DMAC2: variants seen among roughly 807,000 people sequenced by gnomAD.
The protein encoded by DMAC2 is distal membrane-arm assembly complex protein 2.
DMAC2 carries 32 observed loss-of-function variants against 29.6 expected under a neutral mutation model. The ratio of observed to expected loss-of-function variants is 1.08; its 90% CI spans 0.81 to 1.45. DMAC2 has a LOEUF of 1.45. Ranked by LOEUF, DMAC2 falls within the 40% of genes most tolerant of loss-of-function variation. DMAC2 has a pLI of 0.00. For synonymous variants in DMAC2, 133 were observed against 137.4 expected (o/e 0.97, Z 0.23); for missense variants, 319 against 340.0 (o/e 0.94, Z 0.49).
intron 5 of DMAC2, 53 bp from the exon 6 acceptor site, chr19:41,432,461 T>C: frequency 6.3e-7 from 1 of 1,575,608 alleles, no homozygotes; most frequent in Admixed American, 1.7e-5. Flanking sequence ...CATGTGTGTG[T>C]GTGTAGGGAG....
chr19:41,437,342 G>C (rs2039920693), intron 2 of DMAC2, among the ~76,000 whole-genome samples: 1 of 151,974 alleles, frequency 6.6e-6, no homozygotes, highest in African/African-American at 2.4e-5. Flanking sequence ...ATTGCAATGA[G>C]CCATGATCAC....
rs375627343 is a variant in DMAC2, at chr19:41,433,640, C to T, written c.330G>A (p.Lys110=). Residue 110 remains lysine (K), a synonymous_variant, in exon 4 of 6, where the codon AAG becomes AAA. Coordinates refer to ENST00000221943, the MANE Select transcript of DMAC2 (RefSeq NM_018035.3). ...FRDKEWIRPD[K]YGHFSQEFWN... is the part of the protein sequence containing the mutation. ...AGAACTCCTGAGAGAAATGGCCATA[C>T]TTATCTGGCCTGATCCACTCCTTGT... 34 of 1,614,130 alleles carry T rather than the reference C, an allele frequency of 2.1e-5. No individual in the cohort carries two copies. Among genetic ancestry groups the T allele is most frequent in the Non-Finnish European group, 5.1e-6 (6 of 1,180,050 alleles).
At chr19:41,433,479 GC>G (rs782442846) in intron 4 of DMAC2, 45 bp from the exon 5 acceptor site, 1 of 1,612,792 alleles carries the variant, frequency 6.2e-7, no homozygotes, top group South Asian at 1.1e-5. Context: ...CCTTTCTGGA[GC>G]CCATCACCAA....
intron 5 of DMAC2, chr19:41,432,903 T>C (rs868915195): frequency 2.7e-5 from 14 of 526,362 alleles, no homozygotes; most frequent in Middle Eastern, 4.9e-4. Context: ...TGCGTGCATG[T>C]GTGTGTGTAT....
At chr19:41,436,597 A>C (rs1555771262) in intron 2 of DMAC2, 125 bp from the exon 3 acceptor site, 1 of 788,638 alleles carries the variant, frequency 1.3e-6, no homozygotes. Flanking sequence ...GTCAGGCTGA[A>C]AATATTTATT....
At chr19:41,439,217 CT>C (rs75124807) in intron 1 of DMAC2, 135,732 of 368,822 alleles carry the variant, frequency 0.37, 21,646 homozygotes, top group East Asian at 0.5. Flanking sequence ...TAACCAAATT[CT>C]TTTTTTTTTT....
intron 1 of DMAC2, chr19:41,438,935 ATATTTTTGTGATTTTT>A (rs1429987626): frequency 6.8e-6 from 1 of 148,102 alleles, no homozygotes; most frequent in African/African-American, 2.5e-5. Context: ...CATTAGGAGG[ATATTTTTGTGATTTTT>A]TTTTTTTTTT....
intron 5 of DMAC2, chr19:41,432,814 G>A (rs1568517749): frequency 1.5e-5 from 7 of 463,332 alleles, no homozygotes; most frequent in Non-Finnish European, 1.9e-5. Context: ...GTGTGTGTGT[G>A]TGTAGGGAGG....
chr19:41,433,499 CAT>C (rs782591134), intron 4 of DMAC2, 36 bp downstream of exon 4: 168 of 1,613,858 alleles, frequency 1.0e-4, no homozygotes, highest in Non-Finnish European at 1.4e-4. Context: ...AAAGGGAAAA[CAT>C]AGAGGCCTGT....
intron 5 of DMAC2, chr19:41,432,692 C>T: frequency 3.9e-6 from 1 of 259,558 alleles, no homozygotes; most frequent in Non-Finnish European, 6.5e-6. Flanking sequence ...GGAGATAAGC[C>T]AGTATAAGGA....
At chr19:41,432,706 C>CGT (rs72065187) in intron 5 of DMAC2, 55,371 of 206,220 alleles carry the variant, frequency 0.27, 5,903 homozygotes, top group East Asian at 0.37. Context: ...ATAAGGACAG[C>CGT]GTGTGTGTGT....
intron 2 of DMAC2, among the ~76,000 whole-genome samples, chr19:41,437,531 T>C (rs1555771607): frequency 6.6e-6 from 1 of 151,982 alleles, no homozygotes; most frequent in Non-Finnish European, 1.5e-5. Context: ...AAAACCCATC[T>C]CTACTAAAAA....
intron 5 of DMAC2, 160 bp from the exon 6 acceptor site, chr19:41,432,568 C>G: frequency 1.9e-6 from 1 of 518,942 alleles, no homozygotes; most frequent in Non-Finnish European, 3.3e-6. Context: ...ACAGTGTGTG[C>G]GTGTGTGTGT....
chr19:41,435,023 T>A (rs1316084313), intron 3 of DMAC2, among the ~76,000 whole-genome samples: 9 of 140,746 alleles, frequency 6.4e-5, no homozygotes, highest in African/African-American at 2.1e-4. Context: ...AAAAAAAAAA[T>A]TATTGAGCAC....
chr19:41,436,073 G>A (rs369899200), intron 3 of DMAC2, among the ~76,000 whole-genome samples: 12 of 152,068 alleles, frequency 7.9e-5, no homozygotes, highest in Middle Eastern at 3.4e-3. Flanking sequence ...ACAGGGTTTC[G>A]CCATTTTGGC....
chr19:41,439,709 C>T, intron 1 of DMAC2, 173 bp downstream of exon 1: 1 of 1,326,994 alleles, frequency 7.5e-7, no homozygotes, highest in South Asian at 1.2e-5. Context: ...GCGACCCTCA[C>T]AGATCCTTCC....
intron 3 of DMAC2, among the ~76,000 whole-genome samples, chr19:41,435,463 T>C (rs1419448446): frequency 1.3e-5 from 2 of 152,066 alleles, no homozygotes; most frequent in Admixed American, 1.3e-4. Context: ...GGAGACAGGG[T>C]TTCACCACGT....
chr19:41,432,709 G>GTGTGTGTA (rs2039608747), intron 5 of DMAC2: 1 of 348,694 alleles, frequency 2.9e-6, no homozygotes, highest in African/African-American at 3.2e-5. Flanking sequence ...AGGACAGCGT[G>GTGTGTGTA]TGTGTGTGTG....
chr19:41,432,417 G>A lies in DMAC2; in HGVS notation c.597-9C>T, dbSNP rs782375189. The A allele has an allele frequency of 1.9e-6, 3 of 1,612,946 alleles. No homozygotes were observed. In the South Asian group the frequency reaches 3.3e-5, roughly 18 times the overall value. On this transcript the variant is annotated splice_polypyrimidine_tract_variant and intron_variant, in intron 5 of 5. Coordinates refer to ENST00000221943, the MANE Select transcript of DMAC2 (RefSeq NM_018035.3). ...CCAGCCTGCGGAGGTTCCTGAAAAG[G>A]GGTGAGAAGGACAGGAAGCCAGTGT... is the stretch of plus-strand genomic sequence containing the variant.
Sources: gnomAD v4.1 joint callset for allele counts (sites outside exome capture counted in the v4.1 genomes callset) on GRCh38, gnomAD v4.1.1 for gene constraint, MANE v1.5 for transcripts, NCBI Gene and HGNC (gene_info 2026-07-23, HGNC 2026-07-21) for gene names.